CYP1B1: variants seen among roughly 807,000 people sequenced by gnomAD.
CYP1B1 encodes the protein cytochrome P450 family 1 subfamily B member 1, also known as cytochrome P450 1B1.
In CYP1B1, 22 loss-of-function variants were observed where a neutral mutation model predicts 29.9. The ratio of observed to expected loss-of-function variants is 0.74; its 90% CI spans 0.53 to 1.05. CYP1B1 has a LOEUF of 1.05. Ranked by LOEUF, CYP1B1 falls within the 50% of genes least tolerant of loss-of-function variation. The pLI is 0.00. For missense variants in CYP1B1, 883 were observed against 746.9 expected, an observed-to-expected ratio of 1.18 and a Z score of -2.12; for synonymous variants, 375 against 320.0, an observed-to-expected ratio of 1.17 and a Z score of -1.83.
chr2:38,073,405 C>T (rs993646936), intron 2 of CYP1B1: 2 of 152,322 alleles, frequency 1.3e-5, no homozygotes, highest in African/African-American at 2.4e-5. Context: ...GAAACATTTG[C>T]CCCTAGGGAT....
intron 2 of CYP1B1, 103 bp from the exon 3 acceptor site, chr2:38,071,413 A>T (rs912664420): frequency 2.3e-5 from 24 of 1,044,030 alleles, no homozygotes; most frequent in Non-Finnish European, 3.2e-5. Context: ...TTTCTTAAAT[A>T]GGCTATCTAG....
chr2:38,070,768 A>G lies in CYP1B1; in HGVS notation c.1586T>C (p.Leu529Pro), dbSNP rs775439857. ...NVTLRESMEL[L>P]DSAVQNLQAK... ...TTGTAAATTTTGGACAGCACTATCA[A>G]GGAGCTCCATGGACTCTCTGAGAGT... The change falls in exon 3 of 3, where the codon CTT (leucine) becomes CCT (proline). Residue 529 changes from leucine (L) to proline (P), a missense_variant. Physicochemically the swap from Leu to Pro is moderately conservative, Grantham distance 98 (BLOSUM62 -3). Coordinates refer to ENST00000610745, the MANE Select transcript of CYP1B1 (RefSeq NM_000104.4). 6.2e-7 allele frequency: 1 copy of G among 1,614,210 alleles called. No homozygotes were observed. Among genetic ancestry groups the G allele is most frequent in the South Asian group, 1.1e-5 (1 of 91,086 alleles).
chr2:38,075,422 G>A (rs765884703), intron 1 of CYP1B1, 33 bp from the exon 2 acceptor site: 1 of 1,604,444 alleles, frequency 6.2e-7, no homozygotes, highest in South Asian at 1.1e-5. Context: ...GTGACACTCA[G>A]GGGTGCAGAG....
At chr2:38,072,072 T>C (rs1682442755) in intron 2 of CYP1B1, among the ~76,000 whole-genome samples, 6 of 152,218 alleles carry the variant, frequency 3.9e-5, no homozygotes, top group Admixed American at 3.3e-4. Context: ...TACAAACTGA[T>C]ACAATCTTTT....
In CYP1B1 at chr2:38,074,418, A is replaced by G. The variant is rs1682486663; in HGVS notation, c.971T>C (p.Ile324Thr). Reference sequence around the variant, plus strand: ...CTGGCTGGCGCCGAAGATGTCAGTGATAGTGGCCGGTACGTTCTCCAAATC... The same window carrying G: ...CTGGCTGGCGCCGAAGATGTCAGTGGTAGTGGCCGGTACGTTCTCCAAATC... ...RLDLENVPAT[I>T]TDIFGASQDT... The change falls in exon 2 of 3, where the codon ATC (isoleucine) becomes ACC (threonine). Residue 324 changes from isoleucine to threonine, a missense_variant. Coordinates refer to ENST00000610745, the MANE Select transcript of CYP1B1 (RefSeq NM_000104.4). 7 of 1,613,458 alleles carry G rather than the reference A, an allele frequency of 4.3e-6. No individual in the cohort carries two copies. The East Asian group carries it at 1.6e-4, about 36-fold the overall frequency.
At position 38,070,895 on chromosome 2, in the gene CYP1B1, G is replaced by C. The variant is rs1682415291; in HGVS notation, c.1459C>G (p.Leu487Val). The C allele has an allele frequency of 5.0e-6, 8 of 1,614,144 alleles. No homozygotes were observed. The highest frequency in any genetic ancestry group is 6.8e-6 in the Non-Finnish European group (8 of 1,179,970). The change falls in exon 3 of 3, where the codon CTG (leucine) becomes GTG (valine). Residue 487 changes from leucine (L) to valine (V), a missense_variant. By Grantham distance (32) the Leu-to-Val change is conservative. Transcript: ENST00000610745. ...GCCCTGAAATCGCACTGGTGAGCCAGGATGGAGATGAAGAGAAAAAGCTGC... is the reference window on the plus strand; with the variant it reads ...GCCCTGAAATCGCACTGGTGAGCCACGATGGAGATGAAGAGAAAAAGCTGC... ...KMQLFLFISI[L>V]AHQCDFRANP...
At position 38,074,633 on chromosome 2, in the gene CYP1B1, G is replaced by T. The variant is rs1032806404; in HGVS notation, c.756C>A (p.Asn252Lys). Residue 252 changes from asparagine (N) to lysine (K), a missense_variant, in exon 2 of 3, where the codon AAC becomes AAA. Coordinates refer to ENST00000610745, the MANE Select transcript of CYP1B1 (RefSeq NM_000104.4). ...ATTCGCGGAAAACGGTGCGCACCGG[G>T]TTGGGGAAGTACTGCAGCCAGGGCA... ...DVMPWLQYFPNPVRTVFREFE... is the reference protein window; with the variant it reads ...DVMPWLQYFPKPVRTVFREFE... The T allele has an allele frequency of 6.2e-7, 1 of 1,613,420 alleles. No individual in the cohort carries two copies. The highest frequency in any genetic ancestry group is 1.3e-5 in the African/African-American group (1 of 74,946).
intron 2 of CYP1B1, 169 bp downstream of exon 2, chr2:38,074,177 G>T (rs1352302178): frequency 1.4e-6 from 1 of 739,400 alleles, no homozygotes; most frequent in Non-Finnish European, 2.2e-6. Flanking sequence ...TGCGCGTGTC[G>T]CAGCCCTCAC....
chr2:38,074,662 C>A lies in CYP1B1; in HGVS notation c.727G>T (p.Val243Leu), dbSNP rs757691206. Residue 243 changes from valine to leucine, a missense_variant, in exon 2 of 3, where the codon GTG becomes TTG. Coordinates refer to ENST00000610745, the MANE Select transcript of CYP1B1 (RefSeq NM_000104.4). ...GGGAAGTACTGCAGCCAGGGCATCACGTCCACCAGGCTGCCCGCGCCCACC... is the reference window on the plus strand; with the variant it reads ...GGGAAGTACTGCAGCCAGGGCATCAAGTCCACCAGGCTGCCCGCGCCCACC... Reference protein sequence around the residue: ...RTVGAGSLVDVMPWLQYFPNP... With the variant: ...RTVGAGSLVDLMPWLQYFPNP... 3.1e-6 allele frequency: 5 copies of A among 1,613,322 alleles called. No homozygotes were observed. The highest frequency in any genetic ancestry group is 1.1e-5 in the South Asian group (1 of 91,076).
rs748634651 is a variant in CYP1B1, at chr2:38,074,433, T to C, written c.956A>G (p.Asn319Ser). 6.2e-7 allele frequency: 1 copy of C among 1,613,292 alleles called. No homozygotes were observed. Among genetic ancestry groups the C allele is most frequent in the East Asian group, 2.2e-5 (1 of 44,850 alleles). Residue 319 changes from asparagine (N) to serine (S), a missense_variant, in exon 2 of 3, where the codon AAC becomes AGC. By Grantham distance (46) the Asn-to-Ser change is conservative (BLOSUM62 1). Transcript: ENST00000610745. The stretch of plus-strand genomic sequence containing the variant: ...GATGTCAGTGATAGTGGCCGGTACG[T>C]TCTCCAAATCCAGCCGCGCGCCACC... ...HGGGARLDLENVPATITDIFG... is the reference protein window; with the variant it reads ...HGGGARLDLESVPATITDIFG...
Position 38,074,574 on chromosome 2 carries a change from ATGAAGTTGC to A in CYP1B1, c.806_814del (p.Ser269_Phe271del), listed in dbSNP as rs72466462. 3 of 1,611,562 alleles carry A rather than the reference ATGAAGTTGC, an allele frequency of 1.9e-6. No homozygotes were observed. The highest frequency in any genetic ancestry group is 2.5e-6 in the Non-Finnish European group (3 of 1,179,058). On this transcript the variant is annotated inframe_deletion, in exon 2 of 3. Transcript: ENST00000610745. ...GCAGTGCCTCAAGAACTTGTCCAGG[ATGAAGTTGC>A]TGAAGTTGCGGTTGAGCTGCTCGAA... is the stretch of plus-strand genomic sequence containing the variant.
chr2:38,074,423 G>T lies in CYP1B1; in HGVS notation c.966C>A (p.Ala322=). 3 of 1,613,472 alleles carry T rather than the reference G, an allele frequency of 1.9e-6. No homozygotes were observed. Among genetic ancestry groups the T allele is most frequent in the Non-Finnish European group, 2.5e-6 (3 of 1,179,980 alleles). The change falls in exon 2 of 3, where the codon GCC becomes GCA. Residue 322 remains alanine (A), a synonymous_variant. Transcript: ENST00000610745. ...GARLDLENVP[A]TITDIFGASQ... ...TGGCGCCGAAGATGTCAGTGATAGTGGCCGGTACGTTCTCCAAATCCAGCC... is the reference window on the plus strand; with the variant it reads ...TGGCGCCGAAGATGTCAGTGATAGTTGCCGGTACGTTCTCCAAATCCAGCC...
Position 38,074,585 on chromosome 2 carries a change from G to T in CYP1B1, c.804C>A (p.Phe268Leu). 6.2e-7 allele frequency: 1 copy of T among 1,612,518 alleles called. No individual in the cohort carries two copies. Among genetic ancestry groups the T allele is most frequent in the Non-Finnish European group, 8.5e-7 (1 of 1,179,496 alleles). ...AGAACTTGTCCAGGATGAAGTTGCT[G>T]AAGTTGCGGTTGAGCTGCTCGAATT... ...FREFEQLNRN[F>L]SNFILDKFLR... Residue 268 changes from phenylalanine to leucine, a missense_variant, in exon 2 of 3, where the codon TTC becomes TTA. Coordinates refer to ENST00000610745, the MANE Select transcript of CYP1B1 (RefSeq NM_000104.4).
In CYP1B1 at chr2:38,069,625, A is replaced by G. The variant is rs1573270850; in HGVS notation, c.*1097T>C. On this transcript the variant is annotated 3_prime_UTR_variant, in exon 3 of 3. Transcript: ENST00000610745. ...TAGGATCTAATTTTGAGATTCGCCAAAATTTGAGTGAAGAAAAGAAACCCT... is the reference window on the plus strand; with the variant it reads ...TAGGATCTAATTTTGAGATTCGCCAGAATTTGAGTGAAGAAAAGAAACCCT... The G allele has an allele frequency of 5.0e-6, 1 of 200,446 alleles. No individual in the cohort carries two copies. The highest frequency in any genetic ancestry group is 6.0e-5 in the Admixed American group (1 of 16,596). The allele number at this position is 200,446 out of a possible 1,614,324, so 12.4% of individuals were successfully genotyped here. A position where few individuals can be genotyped will look rare whatever the true frequency, so the allele number is the denominator to read the frequency against.
Position 38,068,004 on chromosome 2 carries a change from A to G in CYP1B1, c.*2718T>C. On this transcript the variant is annotated 3_prime_UTR_variant, in exon 3 of 3. Coordinates refer to ENST00000610745, the MANE Select transcript of CYP1B1 (RefSeq NM_000104.4). ...GTAAAGGCTAAGTTCTGGGACATGA[A>G]AGCTTTTAGAAAATTCACAAAACAA... The G allele has an allele frequency of 5.0e-6, 1 of 199,176 alleles. No individual in the cohort carries two copies. Among genetic ancestry groups the G allele is most frequent in the Non-Finnish European group, 1.0e-5 (1 of 96,020 alleles). The allele number at this position is 199,176 out of a possible 1,614,324, so 12.3% of individuals were successfully genotyped here. A position where few individuals can be genotyped will look rare whatever the true frequency, so the allele number is the denominator to read the frequency against.
At position 38,074,377 on chromosome 2, in the gene CYP1B1, C is replaced by T. The variant is rs763154093; in HGVS notation, c.1012G>A (p.Ala338Thr). Reference sequence around the variant, plus strand: ...AAGAGGAGGAGCAGCCACTGCAGCGCGGTGGACAGGGTGTCCTGGCTGGCG... The same window carrying T: ...AAGAGGAGGAGCAGCCACTGCAGCGTGGTGGACAGGGTGTCCTGGCTGGCG... ...FGASQDTLST[A>T]LQWLLLLFTR... is the part of the protein sequence containing the mutation. Residue 338 changes from alanine to threonine, a missense_variant, in exon 2 of 3, where the codon GCG (alanine) becomes ACG (threonine). Coordinates refer to ENST00000610745, the MANE Select transcript of CYP1B1 (RefSeq NM_000104.4). 11 of 1,613,634 alleles carry T rather than the reference C, an allele frequency of 6.8e-6. No homozygotes were observed. Among genetic ancestry groups the T allele is most frequent in the South Asian group, 1.1e-5 (1 of 91,040 alleles).
At position 38,071,259 on chromosome 2, in the gene CYP1B1, C is replaced by G; in HGVS notation, c.1095G>C (p.Gly365=). 3 of 1,613,088 alleles carry G rather than the reference C, an allele frequency of 1.9e-6. No homozygotes were observed. The highest frequency in any genetic ancestry group is 2.5e-6 in the Non-Finnish European group (3 of 1,180,042). Residue 365 remains glycine, a synonymous_variant, in exon 3 of 3, where the codon GGG becomes GGC. Transcript: ENST00000610745. ...RVQAELDQVV[G]RDRLPCMGDQ... ...CACCCATACAAGGCAGACGGTCCCT[C>G]CCCACGACCTGATCCAATTCTGCCT...
At position 38,075,183 on chromosome 2, in the gene CYP1B1, G is replaced by A. The variant is rs1000395365; in HGVS notation, c.206C>T (p.Ala69Val). The A allele has an allele frequency of 5.1e-6, 8 of 1,569,290 alleles. No homozygotes were observed. The highest frequency in any genetic ancestry group is 1.1e-5 in the South Asian group (1 of 87,890). Residue 69 changes from alanine to valine, a missense_variant, in exon 2 of 3, where the codon GCG becomes GTG. Transcript: ENST00000610745. Reference sequence around the variant, plus strand: ...CAGGCGAGCGAACGAGAGGTGAGCCGCCTGGCCCACCGCCGCCGCGTTTCC... The same window carrying A: ...CAGGCGAGCGAACGAGAGGTGAGCCACCTGGCCCACCGCCGCCGCGTTTCC... ...LIGNAAAVGQ[A>V]AHLSFARLAR... is the part of the protein sequence containing the mutation.
Position 38,067,835 on chromosome 2 carries a change from T to A in CYP1B1, c.*2887A>T, listed in dbSNP as rs943468576. 1.1e-5 allele frequency: 2 copies of A among 186,366 alleles called. No homozygotes were observed. Among genetic ancestry groups the A allele is most frequent in the Non-Finnish European group, 2.3e-5 (2 of 87,882 alleles). The allele number at this position is 186,366 out of a possible 1,614,324, so 11.5% of individuals were successfully genotyped here. ...ATTAAATAAGAAGGTATCCTTGAGT[T>A]ATAAATGTCTACTAAAGTATACCTT... On this transcript the variant is annotated 3_prime_UTR_variant, in exon 3 of 3. Transcript: ENST00000610745.
Sources: gnomAD v4.1 joint callset for allele counts (sites outside exome capture counted in the v4.1 genomes callset) on GRCh38, gnomAD v4.1.1 for gene constraint, MANE v1.5 for transcripts, NCBI Gene and HGNC (gene_info 2026-07-23, HGNC 2026-07-21) for gene names.